Variants in DHX16 observed in about 807,000 individuals in gnomAD.
DHX16 encodes pre-mRNA-splicing factor ATP-dependent RNA helicase DHX16.
Under a neutral mutation model 131.2 loss-of-function variants are expected in DHX16, and 81 were observed. The ratio of observed to expected loss-of-function variants is 0.62; its 90% CI spans 0.52 to 0.74. The LOEUF (loss-of-function observed/expected upper bound fraction) is 0.74, where lower values mean the gene tolerates loss of function less well. Ranked by LOEUF, DHX16 falls within the 30% of genes least tolerant of loss-of-function variation. DHX16 has a pLI of 0.00. For missense variants in DHX16, 980 were observed against 1,363.1 expected, an observed-to-expected ratio of 0.72 and a Z score of 4.43; for synonymous variants, 440 against 520.2, an observed-to-expected ratio of 0.85 and a Z score of 2.10.
chr6:30,659,146 G>A (rs1472591144), intron 12 of DHX16, among the ~76,000 whole-genome samples: 2 of 152,060 alleles, frequency 1.3e-5, no homozygotes, highest in African/African-American at 2.4e-5. Flanking sequence ...CTCAGCCTCC[G>A]AAAGTCCTGG....
intron 4 of DHX16, among the ~76,000 whole-genome samples, chr6:30,668,413 G>C (rs896830476): frequency 2.0e-5 from 3 of 152,186 alleles, no homozygotes; most frequent in African/African-American, 7.2e-5. Flanking sequence ...CATTTTGGGA[G>C]ACCGAGGGGG....
In DHX16 at chr6:30,656,743, C is replaced by T. The variant is rs770082118; in HGVS notation, c.2165G>A (p.Arg722Gln). 3 of 1,612,448 alleles carry T rather than the reference C, an allele frequency of 1.9e-6. No homozygotes were observed. Among genetic ancestry groups the T allele is most frequent in the Non-Finnish European group, 2.5e-6 (3 of 1,180,028 alleles). ...AGCCACCCGACCTGCCCTGCCAGCT[C>T]GCTGATTGGCTGAGGCCTGGAAAGA... Reference protein sequence around the residue: ...TPCSKASANQRAGRAGRVAAG... With the variant: ...TPCSKASANQQAGRAGRVAAG... The change falls in exon 14 of 20, where the codon CGA becomes CAA. Residue 722 changes from arginine (R) to glutamine (Q), a missense_variant. Around this residue, in one of 3 missense-constraint regions of DHX16, gnomAD observed 309 missense variants for 537.1 expected, o/e 0.58. Coordinates refer to ENST00000376442, the MANE Select transcript of DHX16 (RefSeq NM_003587.5). This position sits in a 1 kb window ranked among gnomAD's most constrained non-coding sequence, Gnocchi z 5.1.
Position 30,672,995 on chromosome 6 carries a change from T to C in DHX16, c.-154A>G. 1.1e-5 allele frequency: 17 copies of C among 1,550,754 alleles called. No homozygotes were observed. Among genetic ancestry groups the C allele is most frequent in the Non-Finnish European group, 1.5e-5 (17 of 1,146,646 alleles). On this transcript the variant is annotated 5_prime_UTR_variant, in exon 1 of 20. Transcript: ENST00000376442. ...GATCTTCCGACATCCCAAAGCTGTCTTCCCGTACCGCGGAGCCCGGAAGGG... is the reference window on the plus strand; with the variant it reads ...GATCTTCCGACATCCCAAAGCTGTCCTCCCGTACCGCGGAGCCCGGAAGGG...
At chr6:30,653,980 G>A (rs1767712642) in intron 19 of DHX16, among the ~76,000 whole-genome samples, 1 of 152,046 alleles carries the variant, frequency 6.6e-6, no homozygotes, top group East Asian at 1.9e-4. Context: ...TTAGCTGGGC[G>A]TGGTGGTGGG....
intron 12 of DHX16, among the ~76,000 whole-genome samples, 172 bp downstream of exon 12, chr6:30,659,300 C>G (rs545317736): frequency 6.6e-6 from 1 of 152,362 alleles, no homozygotes; most frequent in African/African-American, 2.4e-5. Flanking sequence ...TTGGCTCTCT[C>G]TTGGTTCACA....
intron 7 of DHX16, 140 bp downstream of exon 7, chr6:30,664,661 T>A: frequency 1.3e-6 from 1 of 742,370 alleles, no homozygotes; most frequent in South Asian, 1.9e-5. Flanking sequence ...AAGGGTATGG[T>A]CTTTACTCTC....
chr6:30,656,801 G>A lies in DHX16; in HGVS notation c.2149-42C>T, dbSNP rs1260461770. On this transcript the variant is annotated intron_variant, in intron 13 of 19. Coordinates refer to ENST00000376442, the MANE Select transcript of DHX16 (RefSeq NM_003587.5). The surrounding 1 kb of genome is among the most constrained non-coding windows in gnomAD (Gnocchi z 5.1). Reference sequence around the variant, plus strand: ...ACAGGCTGGCTGACAATTTGGTCAGGGAAAAGAAAAAGGCAGTATTTATGC... The same window carrying A: ...ACAGGCTGGCTGACAATTTGGTCAGAGAAAAGAAAAAGGCAGTATTTATGC... 1 of 1,608,012 alleles carries A rather than the reference G, an allele frequency of 6.2e-7. No individual in the cohort carries two copies. The highest frequency in any genetic ancestry group is 8.5e-7 in the Non-Finnish European group (1 of 1,179,108).
rs918094947 is a variant in DHX16 at position 30,661,325 on chromosome 6, CG to C, written c.1545-1084del. 1.1e-3 allele frequency among the ~76,000 whole-genome samples: 171 copies of C among 152,266 alleles called. 1 individual carries two copies. In the Middle Eastern group the frequency reaches 0.024, roughly 21 times the overall value. On this transcript the variant is annotated intron_variant, in intron 9 of 19. Transcript: ENST00000376442. ...GTCTTGATCTCCTTACCTCGTGATC[CG>C]CCTGCCTCTGCCTCCCAAAGTGCTG...
chr6:30,658,694 G>A (rs1263482351), intron 12 of DHX16, among the ~76,000 whole-genome samples: 2 of 151,902 alleles, frequency 1.3e-5, no homozygotes, highest in Non-Finnish European at 2.9e-5. Flanking sequence ...CTGGGCAACA[G>A]AGCGAGACTC....
Position 30,665,182 on chromosome 6 carries a change from G to T in DHX16, c.1014C>A (p.Ser338=), listed in dbSNP as rs1305922090. ...RWEEARLGAA[S]LKFGARDAAS... is the part of the protein sequence containing the mutation. The stretch of plus-strand genomic sequence containing the variant: ...CAGCATCTCGGGCCCCAAACTTCAG[G>T]GACGCTGCCCCAAGCCGCGCCTCCT... The change falls in exon 6 of 20, where the codon TCC becomes TCA. Residue 338 remains serine, a synonymous_variant. Transcript: ENST00000376442. This position sits in a 1 kb window ranked among gnomAD's most constrained non-coding sequence, Gnocchi z 4.8. 5.0e-6 allele frequency: 8 copies of T among 1,611,820 alleles called. No individual in the cohort carries two copies. Among genetic ancestry groups the T allele is most frequent in the Non-Finnish European group, 6.8e-6 (8 of 1,179,858 alleles).
rs763910556 is a variant in DHX16 at position 30,655,578 on chromosome 6, T to A, written c.2518A>T (p.Ile840Phe). 2 of 1,613,020 alleles carry A rather than the reference T, an allele frequency of 1.2e-6. No individual in the cohort carries two copies. The highest frequency in any genetic ancestry group is 1.7e-6 in the Non-Finnish European group (2 of 1,180,028). Residue 840 changes from isoleucine (I) to phenylalanine (F), a missense_variant, in exon 17 of 20, where the codon ATC becomes TTC. This residue lies in a region of DHX16 where 214 missense variants were observed against 271.2 expected (regional missense o/e 0.79). Coordinates refer to ENST00000376442, the MANE Select transcript of DHX16 (RefSeq NM_003587.5). ...GAGAGCATGGCAGCCACTGTCAGGATCTCCTCTGAACAGCTGTACCTGGGA... is the reference window on the plus strand; with the variant it reads ...GAGAGCATGGCAGCCACTGTCAGGAACTCCTCTGAACAGCTGTACCTGGGA... Reference protein sequence around the residue: ...ASEKYSCSEEILTVAAMLSVN... With the variant: ...ASEKYSCSEEFLTVAAMLSVN...
At chr6:30,663,720 C>CAAA (rs537931461) in intron 7 of DHX16, among the ~76,000 whole-genome samples, 2 of 50,708 alleles carry the variant, frequency 3.9e-5, no homozygotes. Context: ...GACTCTGTCT[C>CAAA]AAAAAAAAAA....
chr6:30,655,555 G>A lies in DHX16; in HGVS notation c.2541C>T (p.Leu847=). The A allele has an allele frequency of 1.2e-6, 2 of 1,613,078 alleles. No individual in the cohort carries two copies. The highest frequency in any genetic ancestry group is 1.7e-6 in the Non-Finnish European group (2 of 1,180,040). ...SEEILTVAAM[L]SVNNSIFYRP... ...GGTAGAAGATGGAGTTGTTGACAGA[G>A]AGCATGGCAGCCACTGTCAGGATCT... Residue 847 remains leucine (L), a synonymous_variant, in exon 17 of 20, where the codon CTC becomes CTT. Coordinates refer to ENST00000376442, the MANE Select transcript of DHX16 (RefSeq NM_003587.5).
At chr6:30,657,233 G>T in intron 12 of DHX16, 141 bp from the exon 13 acceptor site, 1 of 845,270 alleles carries the variant, frequency 1.2e-6, no homozygotes. Context: ...AAGGTCAGGA[G>T]CAGGGGACAA....
rs899177822 is a variant in DHX16, at chr6:30,654,865, A to C, written c.2838T>G (p.Gly946=). The change falls in exon 19 of 20, where the codon GGT becomes GGG. Residue 946 remains glycine (G), a synonymous_variant. Coordinates refer to ENST00000376442, the MANE Select transcript of DHX16 (RefSeq NM_003587.5). The part of the protein sequence containing the change: ...YIRVRKAITA[G]YFYHTARLTR... ...TCAACCGTGCCGTGTGGTAAAAGTA[A>C]CCAGCAGTGATGGCCTAAGGAGCGG... 1 of 1,612,262 alleles carries C rather than the reference A, an allele frequency of 6.2e-7. No individual in the cohort carries two copies. The highest frequency in any genetic ancestry group is 1.3e-5 in the African/African-American group (1 of 74,922).
rs1285717440 is a variant in DHX16 at position 30,665,630 on chromosome 6, A to G, written c.770T>C (p.Phe257Ser). ...EAELADEEFL[F>S]GDVELSRHER... ...GTGCCGGCTCAGCTCCACGTCCCCAAAAAGGAACTCCTCATCAGCCAGCTC... is the reference window on the plus strand; with the variant it reads ...GTGCCGGCTCAGCTCCACGTCCCCAGAAAGGAACTCCTCATCAGCCAGCTC... Residue 257 changes from phenylalanine to serine, a missense_variant, in exon 5 of 20, where the codon TTT (phenylalanine) becomes TCT (serine). Phe to Ser is a radical substitution (Grantham distance 155). Transcript: ENST00000376442. This position sits in a 1 kb window ranked among gnomAD's most constrained non-coding sequence, Gnocchi z 4.8. The G allele has an allele frequency of 1.9e-6, 3 of 1,612,642 alleles. No individual in the cohort carries two copies. Among genetic ancestry groups the G allele is most frequent in the African/African-American group, 1.3e-5 (1 of 74,896 alleles).
rs899002405 is a variant in DHX16, at chr6:30,662,249, G to A, written c.1544+378C>T. ...TCCCCATGGCTCCTAGCTATGTCGT[G>A]TAGGGTCACATAAAACAATCTGATC... On this transcript the variant is annotated intron_variant, in intron 9 of 19. Transcript: ENST00000376442. This position sits in a 1 kb window ranked among gnomAD's most constrained non-coding sequence, Gnocchi z 4.7. Among the ~76,000 whole-genome samples the A allele has an allele frequency of 6.6e-6, 1 of 152,162 alleles. No homozygotes were observed. Among genetic ancestry groups the A allele is most frequent in the African/African-American group, 2.4e-5 (1 of 41,436 alleles).
Position 30,656,485 on chromosome 6 carries a change from T to C in DHX16, c.2336A>G (p.Asp779Gly). The C allele has an allele frequency of 6.2e-7, 1 of 1,614,104 alleles. No individual in the cohort carries two copies. Residue 779 changes from aspartate to glycine, a missense_variant, in exon 15 of 20, where the codon GAT becomes GGT. By Grantham distance (94) the Asp-to-Gly change is moderately conservative (BLOSUM62 -1). Coordinates refer to ENST00000376442, the MANE Select transcript of DHX16 (RefSeq NM_003587.5). This position sits in a 1 kb window ranked among gnomAD's most constrained non-coding sequence, Gnocchi z 5.1. ...SLGIHDLMHF[D>G]FLDPPPYETL... ...CTCATATGGTGGAGGGTCCAGGAAA[T>C]CAAAGTGCATTAGGTCATGGATCCC...
intron 1 of DHX16, among the ~76,000 whole-genome samples, chr6:30,672,140 C>T (rs1288036380): frequency 1.3e-5 from 2 of 151,418 alleles, no homozygotes; most frequent in Non-Finnish European, 2.9e-5. Flanking sequence ...AAGGCCTCAT[C>T]TCTAAAAATA....
Sources: allele counts gnomAD v4.1 joint callset (sites outside exome capture counted in the v4.1 genomes callset), GRCh38; gene constraint gnomAD v4.1.1; regional missense constraint gnomAD v4.1.1; non-coding constraint Gnocchi (gnomAD v3.1); transcripts MANE v1.5; gene names NCBI Gene and HGNC (gene_info 2026-07-23, HGNC 2026-07-21).